The following CELF4 variants were observed in gnomAD, a reference collection of about 807,000 sequenced individuals.
CELF4 encodes CUGBP Elav-like family member 4, also known as CUG-BP- and ETR-3-like factor 4.
CELF4 carries 18 observed loss-of-function variants against 59.9 expected under a neutral mutation model. That is an observed-to-expected ratio of 0.30 (90% CI 0.21 to 0.45). The LOEUF (loss-of-function observed/expected upper bound fraction) is 0.45, where lower values mean the gene tolerates loss of function less well. CELF4 is among the 20% of genes least tolerant of loss of function. The pLI, the probability that CELF4 is intolerant of heterozygous loss-of-function variation, is 1.00. For missense variants in CELF4, 456 were observed against 689.0 expected (o/e 0.66, Z 3.79); for synonymous variants, 261 against 267.1 (o/e 0.98, Z 0.22).
intron 2 of CELF4, among the ~76,000 whole-genome samples, chr18:37,357,374 G>A (rs956930366): frequency 3.9e-5 from 6 of 152,234 alleles, no homozygotes; most frequent in African/African-American, 1.2e-4. Context: ...GAGCTTCCAC[G>A]TGGTGCTGAG....
intron 1 of CELF4, among the ~76,000 whole-genome samples, chr18:37,502,421 G>A (rs1029464369): frequency 6.6e-6 from 1 of 152,170 alleles, no homozygotes; most frequent in Non-Finnish European, 1.5e-5. Context: ...GAGGGAGAAA[G>A]GAGAGGGAGG....
At chr18:37,403,847 C>T (rs576605874) in intron 2 of CELF4, among the ~76,000 whole-genome samples, 1 of 152,332 alleles carries the variant, frequency 6.6e-6, no homozygotes, top group Admixed American at 6.5e-5. Flanking sequence ...ATACCCTCTT[C>T]TGAGATGGTC....
intron 1 of CELF4, among the ~76,000 whole-genome samples, chr18:37,552,287 A>G (rs554080581): frequency 4.7e-4 from 72 of 152,358 alleles, no homozygotes; most frequent in African/African-American, 1.7e-3. Context: ...TTGGACATGA[A>G]TCTGCACCTC....
intron 2 of CELF4, among the ~76,000 whole-genome samples, chr18:37,472,434 G>A (rs1373952843): frequency 6.6e-6 from 1 of 152,268 alleles, no homozygotes; most frequent in Non-Finnish European, 1.5e-5. Flanking sequence ...GGCCAGGTAG[G>A]AAGATTCACT....
At chr18:37,385,203 C>T (rs1455378256) in intron 2 of CELF4, among the ~76,000 whole-genome samples, 6 of 151,908 alleles carry the variant, frequency 3.9e-5, no homozygotes, top group Non-Finnish European at 7.4e-5. Flanking sequence ...AAAAAATTAG[C>T]CGGGTGTGGT....
intron 3 of CELF4, chr18:37,276,128 C>T (rs1380775916): frequency 6.6e-6 from 1 of 152,260 alleles, no homozygotes; most frequent in Non-Finnish European, 1.5e-5. Flanking sequence ...ACCCTGGACA[C>T]TTTGGGGGCG....
intron 3 of CELF4, among the ~76,000 whole-genome samples, chr18:37,283,205 C>T (rs2154387108): frequency 6.6e-6 from 1 of 151,990 alleles, no homozygotes; most frequent in South Asian, 2.1e-4. Flanking sequence ...GGTCTGCCAT[C>T]CCTCCTCCTT....
intron 2 of CELF4, among the ~76,000 whole-genome samples, chr18:37,369,314 T>C (rs2154564204): frequency 6.6e-6 from 1 of 152,260 alleles, no homozygotes; most frequent in Non-Finnish European, 1.5e-5. Context: ...CCTCTCCCAG[T>C]CATTGCCTCC....
intron 1 of CELF4, among the ~76,000 whole-genome samples, chr18:37,565,061 C>T (rs1209961843): frequency 6.6e-6 from 1 of 152,046 alleles, no homozygotes; most frequent in Non-Finnish European, 1.5e-5. Context: ...GGTCGCTGTA[C>T]CCAAAAATCC....
At chr18:37,308,966 C>A (rs531933324) in intron 3 of CELF4, among the ~76,000 whole-genome samples, 2 of 152,260 alleles carry the variant, frequency 1.3e-5, no homozygotes, top group African/African-American at 4.8e-5. Context: ...GGGCTTGCAC[C>A]TGGGCAGGTT....
intron 1 of CELF4, among the ~76,000 whole-genome samples, chr18:37,532,433 T>C (rs2099970290): frequency 6.6e-6 from 1 of 152,228 alleles, no homozygotes; most frequent in African/African-American, 2.4e-5. Flanking sequence ...GATGGAGGGA[T>C]GGATGCTATC....
At chr18:37,494,000 T>C (rs1217275479) in intron 1 of CELF4, among the ~76,000 whole-genome samples, 1 of 152,130 alleles carries the variant, frequency 6.6e-6, no homozygotes, top group Non-Finnish European at 1.5e-5. Context: ...TGGTCCAGAT[T>C]TTCCTCAAGC....
chr18:37,408,497 G>C lies in CELF4; in HGVS notation c.369+77028C>G, dbSNP rs1209056535. ...TTTCCCCCTTTGGTTGGTGCCGGGGGGGGGCGCGGTGCAGGAGGATGTGAG... is the reference window on the plus strand; with the variant it reads ...TTTCCCCCTTTGGTTGGTGCCGGGGCGGGGCGCGGTGCAGGAGGATGTGAG... On this transcript the variant is annotated intron_variant, in intron 2 of 12. Coordinates refer to ENST00000420428, the MANE Select transcript of CELF4 (RefSeq NM_020180.4). Among the ~76,000 whole-genome samples, 7 of 80,454 alleles carry C rather than the reference G, an allele frequency of 8.7e-5. 1 individual carries two copies. Among genetic ancestry groups the C allele is most frequent in the African/African-American group, 2.6e-4 (7 of 27,374 alleles). 52.8% of individuals were successfully genotyped at this position (80,454 alleles called of 152,430 possible).
intron 3 of CELF4, among the ~76,000 whole-genome samples, chr18:37,308,290 C>T (rs1011188638): frequency 6.6e-6 from 1 of 150,868 alleles, no homozygotes; most frequent in African/African-American, 2.5e-5. Flanking sequence ...CTTTGCCTGG[C>T]GTTCCCTGAA....
chr18:37,296,789 CCT>C (rs1238834642), intron 3 of CELF4, among the ~76,000 whole-genome samples: 1 of 152,180 alleles, frequency 6.6e-6, no homozygotes, highest in African/African-American at 2.4e-5. Flanking sequence ...CATTCTATGT[CCT>C]CCTGTTTCCT....
intron 3 of CELF4, among the ~76,000 whole-genome samples, chr18:37,292,474 TG>T (rs2095402537): frequency 6.6e-6 from 1 of 152,272 alleles, no homozygotes; most frequent in South Asian, 2.1e-4. Context: ...CATTCAGCCT[TG>T]GGAAGACTGT....
intron 2 of CELF4, among the ~76,000 whole-genome samples, chr18:37,324,502 T>TC (rs1417576125): frequency 1.3e-5 from 2 of 152,216 alleles, no homozygotes; most frequent in African/African-American, 4.8e-5. Context: ...ATCTTGGGCT[T>TC]CCAGCCTCCG....
intron 2 of CELF4, among the ~76,000 whole-genome samples, chr18:37,358,206 G>A (rs1191462455): frequency 6.6e-6 from 1 of 152,154 alleles, no homozygotes; most frequent in Non-Finnish European, 1.5e-5. Context: ...GGAGGGACCC[G>A]GTGGGAGGTA....
At chr18:37,282,238 C>G (rs1428991327) in intron 3 of CELF4, among the ~76,000 whole-genome samples, 1 of 151,776 alleles carries the variant, frequency 6.6e-6, no homozygotes, top group Non-Finnish European at 1.5e-5. Context: ...GTAGAGAGGA[C>G]CACCAGGGAC....
Sources: allele counts gnomAD v4.1 joint callset (sites outside exome capture counted in the v4.1 genomes callset), GRCh38; gene constraint gnomAD v4.1.1; transcripts MANE v1.5; gene names NCBI Gene and HGNC (gene_info 2026-07-23, HGNC 2026-07-21).